SLC44A5: variants seen among roughly 807,000 people sequenced by gnomAD.
SLC44A5 encodes choline transporter-like protein 5.
Under a neutral mutation model 101.8 loss-of-function variants are expected in SLC44A5, and 57 were observed. The ratio of observed to expected loss-of-function variants is 0.56; its 90% CI spans 0.45 to 0.70. The LOEUF is 0.70. Ranked by LOEUF, SLC44A5 falls within the 30% of genes least tolerant of loss-of-function variation. The pLI is 0.00. For missense variants in SLC44A5, 737 were observed against 853.1 expected, an observed-to-expected ratio of 0.86 and a Z score of 1.70; for synonymous variants, 281 against 290.9, an observed-to-expected ratio of 0.97 and a Z score of 0.35.
In SLC44A5 at chr1:75,443,620, T is replaced by C. The variant is rs185929041; in HGVS notation, c.14-46999A>G. Among the ~76,000 whole-genome samples, 1,083 of 152,044 alleles carry C rather than the reference T, an allele frequency of 7.1e-3. 4 individuals carry two copies. Among genetic ancestry groups the C allele is most frequent in the Non-Finnish European group, 0.011 (765 of 67,956 alleles). The stretch of plus-strand genomic sequence containing the variant: ...TTTTTTAAAGACCTATATTATTTTA[T>C]AGGCAAGGTCTACCAAAGTTGTGAG... On this transcript the variant is annotated intron_variant, in intron 2 of 23. Transcript: ENST00000370859.
At chr1:75,219,715 G>T in intron 15 of SLC44A5, 85 bp downstream of exon 15, 1 of 839,328 alleles carries the variant, frequency 1.2e-6, no homozygotes, top group Non-Finnish European at 1.9e-6. Flanking sequence ...ATCTTCCCAG[G>T]GATAGAAAAC....
intron 2 of SLC44A5, among the ~76,000 whole-genome samples, chr1:75,404,686 T>C (rs2101463594): frequency 6.6e-6 from 1 of 152,260 alleles, no homozygotes. Flanking sequence ...TTACAAGAGT[T>C]CCTGAAGGAA....
chr1:75,636,057 C>T, the SLC44A5 span, among the ~76,000 whole-genome samples: 2 of 151,924 alleles, frequency 1.3e-5, no homozygotes, highest in Non-Finnish European at 2.9e-5. Context: ...CATCATGCAC[C>T]CCTGCCACAC....
At chr1:75,395,945 G>A (rs1662097089) in intron 3 of SLC44A5, among the ~76,000 whole-genome samples, 1 of 152,174 alleles carries the variant, frequency 6.6e-6, no homozygotes, top group Non-Finnish European at 1.5e-5. Flanking sequence ...CAGGGGCAAT[G>A]AGATTGCACA....
Position 75,363,711 on chromosome 1 carries a change from C to T in SLC44A5, c.53-24081G>A, listed in dbSNP as rs1319533389. ...AGAGATAAAATTGCTTTCCACATCA[C>T]CCTTACAATATCAGAATATTTGGAA... On this transcript the variant is annotated intron_variant, in intron 3 of 23. Coordinates refer to ENST00000370859, the MANE Select transcript of SLC44A5 (RefSeq NM_001130058.2). 2.6e-5 allele frequency among the ~76,000 whole-genome samples: 4 copies of T among 152,092 alleles called. No individual in the cohort carries two copies. The East Asian group carries it at 7.7e-4, about 29-fold the overall frequency.
At chr1:75,387,239 G>C (rs968498371) in intron 3 of SLC44A5, among the ~76,000 whole-genome samples, 2 of 151,896 alleles carry the variant, frequency 1.3e-5, no homozygotes, top group Admixed American at 1.3e-4. Flanking sequence ...GTGCTTCTGC[G>C]CAGCAAAAGA....
At chr1:75,467,411 A>G (rs2101717108) in intron 2 of SLC44A5, among the ~76,000 whole-genome samples, 1 of 152,284 alleles carries the variant, frequency 6.6e-6, no homozygotes, top group African/African-American at 2.4e-5. Context: ...GAAGAAATCA[A>G]ATTACCTAAT....
chr1:75,708,504 A>G, the SLC44A5 span, among the ~76,000 whole-genome samples: 1 of 151,538 alleles, frequency 6.6e-6, no homozygotes, highest in African/African-American at 2.4e-5. Context: ...AAATAACTGG[A>G]TAAGTACACA....
the SLC44A5 span, among the ~76,000 whole-genome samples, chr1:75,678,459 C>T: frequency 6.6e-5 from 10 of 152,154 alleles, no homozygotes; most frequent in Admixed American, 2.0e-4. Context: ...TGACCCCTGA[C>T]ACCCGAGCAG....
At chr1:75,653,168 G>T in the SLC44A5 span, among the ~76,000 whole-genome samples, 3 of 152,054 alleles carry the variant, frequency 2.0e-5, no homozygotes, top group Admixed American at 2.0e-4. Context: ...ATTATGAAAG[G>T]ACATTGAAAC....
the SLC44A5 span, among the ~76,000 whole-genome samples, chr1:75,631,844 G>A: frequency 6.6e-6 from 1 of 151,824 alleles, no homozygotes; most frequent in African/African-American, 2.4e-5. Flanking sequence ...GCCAATTTTT[G>A]TATTTTTTGT....
intron 3 of SLC44A5, among the ~76,000 whole-genome samples, chr1:75,375,971 T>C (rs554028550): frequency 1.3e-5 from 2 of 152,220 alleles, no homozygotes; most frequent in Admixed American, 1.3e-4. Context: ...CGCAGGTCAG[T>C]GGGTGTGTGC....
the SLC44A5 span, among the ~76,000 whole-genome samples, chr1:75,658,954 T>C: frequency 2.0e-5 from 3 of 152,148 alleles, no homozygotes; most frequent in Admixed American, 2.0e-4. Context: ...TTACAACTGA[T>C]ACCACAGACA....
the SLC44A5 span, among the ~76,000 whole-genome samples, chr1:75,719,184 T>C: frequency 2.0e-5 from 3 of 152,142 alleles, no homozygotes; most frequent in African/African-American, 7.2e-5. Context: ...GGATCAGAAA[T>C]CTCAAGATAT....
At chr1:75,647,768 A>T in the SLC44A5 span, among the ~76,000 whole-genome samples, 3 of 152,122 alleles carry the variant, frequency 2.0e-5, no homozygotes, top group African/African-American at 4.8e-5. Flanking sequence ...GCTTTGGCCA[A>T]TTTCTCCCTT....
intron 7 of SLC44A5, among the ~76,000 whole-genome samples, chr1:75,246,054 T>C (rs1649080618): frequency 6.6e-6 from 1 of 152,126 alleles, no homozygotes; most frequent in Non-Finnish European, 1.5e-5. Context: ...TTATTAGCAG[T>C]CAATAATGAC....
chr1:75,709,525 G>T, the SLC44A5 span, among the ~76,000 whole-genome samples: 1 of 152,098 alleles, frequency 6.6e-6, no homozygotes. Flanking sequence ...AATGAGTAAT[G>T]GCTTATTCAG....
At chr1:75,217,714 C>T in intron 18 of SLC44A5, 152 bp downstream of exon 18, 1 of 610,856 alleles carries the variant, frequency 1.6e-6, no homozygotes, top group South Asian at 2.0e-5. Flanking sequence ...ACTCCTTCAG[C>T]AAGCTCTCTC....
intron 2 of SLC44A5, among the ~76,000 whole-genome samples, chr1:75,438,738 A>T (rs116258079): frequency 1.6e-3 from 242 of 152,244 alleles, no homozygotes; most frequent in African/African-American, 5.7e-3. Flanking sequence ...GAAGAAAAGC[A>T]TCCCAATTTA....
Sources: allele counts gnomAD v4.1 joint callset (sites outside exome capture counted in the v4.1 genomes callset), GRCh38; gene constraint gnomAD v4.1.1; transcripts MANE v1.5; gene names NCBI Gene and HGNC (gene_info 2026-07-23, HGNC 2026-07-21).